PACRG: variants seen among roughly 807,000 people sequenced by gnomAD.
The protein encoded by PACRG is parkin coregulated gene protein.
PACRG carries 29 observed loss-of-function variants against 29.7 expected under a neutral mutation model. That is an observed-to-expected ratio of 0.98 (90% CI 0.73 to 1.33). The LOEUF is 1.33. Ranked by LOEUF, PACRG falls within the 40% of genes most tolerant of loss-of-function variation. The pLI is 0.00. For missense variants in PACRG, 279 were observed against 316.2 expected (o/e 0.88, Z 0.89); for synonymous variants, 116 against 118.7 (o/e 0.98, Z 0.15).
chr6:162,997,260 A>G (rs1026956331), intron 2 of PACRG: 2 of 244,800 alleles, frequency 8.2e-6, no homozygotes, highest in Non-Finnish European at 8.2e-6. Flanking sequence ...GTTTGCCCTA[A>G]GATATGTTGT....
chr6:163,023,614 A>G (rs1474757177), intron 2 of PACRG, among the ~76,000 whole-genome samples: 1 of 152,190 alleles, frequency 6.6e-6, no homozygotes, highest in Non-Finnish European at 1.5e-5. Context: ...GTTGGGTCAA[A>G]TGATCGCTCT....
Position 163,129,578 on chromosome 6 carries a change from C to T in PACRG, c.613+40170C>T, listed in dbSNP as rs998205446. Among the ~76,000 whole-genome samples, 121 of 152,200 alleles carry T rather than the reference C, an allele frequency of 8.0e-4. 1 individual carries two copies. The highest frequency in any genetic ancestry group is 2.2e-4 in the Non-Finnish European group (15 of 68,024). On this transcript the variant is annotated intron_variant, in intron 4 of 4. Coordinates refer to ENST00000366888, the MANE Select transcript of PACRG (RefSeq NM_001080379.2). ...CTTGTTTTCTTATGATTAGAGGTGA[C>T]ACAGTACTCTGTGTCCAGTGGCCGC...
chr6:162,894,469 A>T (rs1356202959), intron 2 of PACRG, among the ~76,000 whole-genome samples: 1 of 152,212 alleles, frequency 6.6e-6, no homozygotes, highest in Non-Finnish European at 1.5e-5. Context: ...GCCAAAAATA[A>T]CACAAAATTG....
chr6:163,161,377 G>T (rs115134459), intron 4 of PACRG, among the ~76,000 whole-genome samples: 2,454 of 152,094 alleles, frequency 0.016, 65 homozygotes, highest in African/African-American at 0.055. Flanking sequence ...TGTTTGGTTT[G>T]GGTTTGGTTT....
In PACRG at chr6:162,782,016, C is replaced by A. The variant is rs963839129; in HGVS notation, c.157-32131C>A. Among the ~76,000 whole-genome samples, 3 of 151,900 alleles carry A rather than the reference C, an allele frequency of 2.0e-5. No homozygotes were observed. The South Asian group carries it at 6.2e-4, about 31-fold the overall frequency. ...GCAAGACCTAACTGTATTCTGCCTACAAGAAACCCACATCAACTATAAAGG... is the reference window on the plus strand; with the variant it reads ...GCAAGACCTAACTGTATTCTGCCTAAAAGAAACCCACATCAACTATAAAGG... On this transcript the variant is annotated intron_variant, in intron 1 of 4. Coordinates refer to ENST00000366888, the MANE Select transcript of PACRG (RefSeq NM_001080379.2).
chr6:163,210,955 TTAAAA>T (rs1472975255), intron 4 of PACRG, among the ~76,000 whole-genome samples: 1 of 152,178 alleles, frequency 6.6e-6, no homozygotes, highest in Non-Finnish European at 1.5e-5. Flanking sequence ...CTGAAGTGTC[TTAAAA>T]TGGAAAAATG....
chr6:162,849,226 C>T (rs988995842), intron 2 of PACRG, among the ~76,000 whole-genome samples: 9 of 152,108 alleles, frequency 5.9e-5, no homozygotes, highest in African/African-American at 1.9e-4. Flanking sequence ...TTAAGACAGT[C>T]GTTAAGCTTT....
At chr6:162,884,520 A>G (rs924563133) in intron 2 of PACRG, among the ~76,000 whole-genome samples, 20 of 152,346 alleles carry the variant, frequency 1.3e-4, no homozygotes, top group African/African-American at 4.6e-4. Flanking sequence ...TAAAGGGTGA[A>G]TGGGATATGG....
intron 1 of PACRG, among the ~76,000 whole-genome samples, chr6:162,787,973 T>C (rs967872316): frequency 6.6e-6 from 1 of 152,102 alleles, no homozygotes; most frequent in African/African-American, 2.4e-5. Flanking sequence ...TCCCGTGTGC[T>C]CCCTGCACCA....
chr6:163,258,110 T>C (rs914379377), intron 4 of PACRG, among the ~76,000 whole-genome samples: 2 of 152,200 alleles, frequency 1.3e-5, no homozygotes, highest in African/African-American at 4.8e-5. Context: ...TGTTTCCATT[T>C]TTAAACAGAA....
At chr6:162,994,666 C>T (rs1803793181) in intron 2 of PACRG, among the ~76,000 whole-genome samples, 1 of 137,762 alleles carries the variant, frequency 7.3e-6, no homozygotes, top group Non-Finnish European at 1.5e-5. Flanking sequence ...AAGTTTTCAA[C>T]TTCTTTGCCT....
chr6:162,903,692 C>T (rs186414832), intron 2 of PACRG, among the ~76,000 whole-genome samples: 154 of 152,218 alleles, frequency 1.0e-3, no homozygotes, highest in Non-Finnish European at 1.8e-3. Flanking sequence ...AGATGAGATT[C>T]GGGTGGAGAC....
At chr6:162,762,999 C>T (rs1365242468) in intron 1 of PACRG, among the ~76,000 whole-genome samples, 11 of 152,276 alleles carry the variant, frequency 7.2e-5, no homozygotes, top group South Asian at 6.2e-4. Flanking sequence ...CTCAAATGCA[C>T]GTGGGTTATG....
chr6:163,035,532 G>T (rs1808089472), intron 2 of PACRG, among the ~76,000 whole-genome samples: 1 of 152,160 alleles, frequency 6.6e-6, no homozygotes, highest in Non-Finnish European at 1.5e-5. Context: ...CTGTAATCCA[G>T]CTACTTGGGA....
chr6:163,145,028 C>T (rs577696877), intron 4 of PACRG, among the ~76,000 whole-genome samples: 26 of 152,138 alleles, frequency 1.7e-4, no homozygotes, highest in Admixed American at 5.9e-4. Flanking sequence ...CAGCTCTGAG[C>T]TTTACTGCTA....
chr6:163,310,572 A>G (rs1329106077), intron 4 of PACRG: 1 of 152,164 alleles, frequency 6.6e-6, no homozygotes, highest in African/African-American at 2.4e-5. Context: ...GCGTCAGCAC[A>G]CGTCCCGGGA....
chr6:163,262,490 C>A (rs7760002), intron 4 of PACRG, among the ~76,000 whole-genome samples: 1 of 151,482 alleles, frequency 6.6e-6, no homozygotes, highest in Non-Finnish European at 1.5e-5. Flanking sequence ...CTGATCAAAG[C>A]GAATCACTCT....
intron 4 of PACRG, among the ~76,000 whole-genome samples, chr6:163,199,054 G>C (rs1010586285): frequency 6.6e-6 from 1 of 152,228 alleles, no homozygotes; most frequent in African/African-American, 2.4e-5. Flanking sequence ...CCAGTGAGCA[G>C]AGGGTCACTT....
At chr6:163,101,896 T>G (rs943192438) in intron 4 of PACRG, among the ~76,000 whole-genome samples, 8 of 152,198 alleles carry the variant, frequency 5.3e-5, no homozygotes, top group African/African-American at 1.9e-4. Flanking sequence ...AACCACATAA[T>G]ACATCCTTCA....
Sources: gnomAD v4.1 joint callset for allele counts (sites outside exome capture counted in the v4.1 genomes callset) on GRCh38, gnomAD v4.1.1 for gene constraint, MANE v1.5 for transcripts, NCBI Gene and HGNC (gene_info 2026-07-23, HGNC 2026-07-21) for gene names.